Variants in RFX7 observed in about 807,000 individuals in gnomAD.
The protein encoded by RFX7 is DNA-binding protein RFX7.
In RFX7, 26 loss-of-function variants were observed where a neutral mutation model predicts 111.8. That is an observed-to-expected ratio of 0.23 (90% CI 0.17 to 0.32). The LOEUF (loss-of-function observed/expected upper bound fraction) is 0.32, where lower values mean the gene tolerates loss of function less well. Ranked by LOEUF, RFX7 falls within the 10% of genes least tolerant of loss-of-function variation. The pLI, the probability that RFX7 is intolerant of heterozygous loss-of-function variation, is 1.00. For missense variants in RFX7, 1,573 were observed against 1,772.9 expected (o/e 0.89, Z 2.02); for synonymous variants, 624 against 624.4 (o/e 1.00, Z 0.01).
chr15:56,181,208 C>T (rs1170044562), intron 2 of RFX7, among the ~76,000 whole-genome samples: 1 of 152,222 alleles, frequency 6.6e-6, no homozygotes, highest in African/African-American at 2.4e-5. Flanking sequence ...AGGCAGCCTC[C>T]GTGATAGCTC....
intron 2 of RFX7, among the ~76,000 whole-genome samples, chr15:56,227,455 T>C (rs1271232898): frequency 1.3e-5 from 2 of 152,246 alleles, no homozygotes; most frequent in African/African-American, 4.8e-5. Flanking sequence ...TCTTCCATTC[T>C]GAATTTGAGC....
intron 2 of RFX7, among the ~76,000 whole-genome samples, chr15:56,195,991 A>G (rs1322468442): frequency 6.6e-6 from 1 of 152,134 alleles, no homozygotes; most frequent in Non-Finnish European, 1.5e-5. Context: ...CTAAACATAA[A>G]ATCTAATTTC....
At chr15:56,176,791 C>G (rs1245829874) in intron 3 of RFX7, among the ~76,000 whole-genome samples, 2 of 152,018 alleles carry the variant, frequency 1.3e-5, no homozygotes, top group African/African-American at 4.8e-5. Context: ...TGCCTTAAAT[C>G]CATCTACTTA....
intron 7 of RFX7, 35 bp downstream of exon 7, chr15:56,102,134 T>C: frequency 6.8e-7 from 1 of 1,465,868 alleles, no homozygotes; most frequent in Non-Finnish European, 9.5e-7. Context: ...AAAGGTACAA[T>C]TTTACTTATT....
chr15:56,180,567 G>T (rs1256066438), intron 2 of RFX7, among the ~76,000 whole-genome samples: 1 of 151,992 alleles, frequency 6.6e-6, no homozygotes, highest in Admixed American at 6.6e-5. Context: ...CTGCTAAAAA[G>T]GTAATATATC....
chr15:56,097,180 C>T (rs1422947174), intron 9 of RFX7, among the ~76,000 whole-genome samples: 1 of 152,142 alleles, frequency 6.6e-6, no homozygotes, highest in African/African-American at 2.4e-5. Context: ...CAAAATACTT[C>T]CTAAATATTA....
intron 5 of RFX7, among the ~76,000 whole-genome samples, chr15:56,124,617 G>A (rs1034603303): frequency 1.3e-4 from 20 of 152,202 alleles, no homozygotes; most frequent in African/African-American, 4.8e-4. Flanking sequence ...TAGTGATGTT[G>A]AGCATTTTTC....
At position 56,132,477 on chromosome 15, in the gene RFX7, G is replaced by A. The variant is rs187766778; in HGVS notation, c.401+10301C>T. 3.4e-3 allele frequency among the ~76,000 whole-genome samples: 522 copies of A among 151,722 alleles called. 9 individuals are homozygous for A. The highest frequency in any genetic ancestry group is 6.8e-3 in the Middle Eastern group (2 of 294). On this transcript the variant is annotated intron_variant, in intron 5 of 9. Coordinates refer to ENST00000559447, the MANE Select transcript of RFX7 (RefSeq NM_022841.7). ...AAAAATTATTCAATAAAAAAGCTGG[G>A]ATAATTAACCATTTAGAAAAAATTA...
At chr15:56,211,226 C>T (rs1015191825) in intron 2 of RFX7, among the ~76,000 whole-genome samples, 1 of 152,094 alleles carries the variant, frequency 6.6e-6, no homozygotes, top group African/African-American at 2.4e-5. Context: ...CAATCCTCTA[C>T]AGTCCTTTTC....
At chr15:56,116,572 G>A (rs1203338825) in intron 5 of RFX7, among the ~76,000 whole-genome samples, 1 of 152,064 alleles carries the variant, frequency 6.6e-6, no homozygotes, top group Non-Finnish European at 1.5e-5. Flanking sequence ...TACCATTCAT[G>A]AATGTATAGA....
intron 5 of RFX7, among the ~76,000 whole-genome samples, chr15:56,118,364 G>C (rs1339857813): frequency 1.3e-5 from 2 of 151,792 alleles, no homozygotes. Flanking sequence ...CCAAGCCTCT[G>C]GTAACCATCA....
intron 2 of RFX7, among the ~76,000 whole-genome samples, chr15:56,188,186 T>C (rs2043062006): frequency 6.6e-6 from 1 of 152,176 alleles, no homozygotes; most frequent in South Asian, 2.1e-4. Context: ...GAAAAATTCA[T>C]TGGATGACCT....
rs368453163 is a variant in RFX7 at position 56,093,363 on chromosome 15, A to T, written c.4365T>A (p.Thr1455=). The part of the protein sequence containing the change: ...FEWIESKDHP[T]VEMLG ...ACACAATTTAACCCAACATTTCAAC[A>T]GTAGGATGGTCCTTGCTTTCTATCC... Residue 1455 remains threonine, a synonymous_variant, in exon 10 of 10, where the codon ACT becomes ACA. Coordinates refer to ENST00000559447, the MANE Select transcript of RFX7 (RefSeq NM_022841.7). The T allele has an allele frequency of 1.2e-5, 19 of 1,610,252 alleles. No homozygotes were observed. The highest frequency in any genetic ancestry group is 1.6e-5 in the Non-Finnish European group (19 of 1,178,038).
intron 2 of RFX7, among the ~76,000 whole-genome samples, chr15:56,238,888 C>T (rs1485729287): frequency 6.6e-6 from 1 of 152,120 alleles, no homozygotes; most frequent in Non-Finnish European, 1.5e-5. Context: ...AGCTGGAGTG[C>T]AGTGGCATGA....
rs186052084 is a variant in RFX7, at chr15:56,100,037, G to A, written c.811+1322C>T. Among the ~76,000 whole-genome samples the A allele has an allele frequency of 4.6e-5, 7 of 152,298 alleles. No individual in the cohort carries two copies. In the East Asian group the frequency reaches 1.3e-3, roughly 29 times the overall value. ...GCAGGGGCAGGAGAAAGACAGCAGA[G>A]CAAACTGAAGGGTTCATTCCTTTTA... is the stretch of plus-strand genomic sequence containing the variant. On this transcript the variant is annotated intron_variant, in intron 8 of 9. Transcript: ENST00000559447.
chr15:56,151,491 T>C (rs1250893727), intron 3 of RFX7, among the ~76,000 whole-genome samples: 1 of 152,114 alleles, frequency 6.6e-6, no homozygotes, highest in Non-Finnish European at 1.5e-5. Context: ...ATAAAATCCT[T>C]TACAGACAAG....
In RFX7 at chr15:56,099,178, T is replaced by C. The variant is rs575522639; in HGVS notation, c.812-802A>G. ...ATTGAGATCATTAGAAAGTAAGTTG[T>C]GGGCAGTAAAAACAATGAAGAGAAG... On this transcript the variant is annotated intron_variant, in intron 8 of 9. Coordinates refer to ENST00000559447, the MANE Select transcript of RFX7 (RefSeq NM_022841.7). 2.6e-5 allele frequency among the ~76,000 whole-genome samples: 4 copies of C among 152,310 alleles called. No individual in the cohort carries two copies. The East Asian group carries it at 5.8e-4, about 22-fold the overall frequency.
chr15:56,171,674 A>C (rs568562482), intron 3 of RFX7, among the ~76,000 whole-genome samples: 1 of 152,282 alleles, frequency 6.6e-6, no homozygotes, highest in African/African-American at 2.4e-5. Flanking sequence ...AAAATAATCA[A>C]TTTGTGTTAT....
rs1595931565 is a variant in RFX7, at chr15:56,110,152, C to A, written c.402-6482G>T. 8.2e-5 allele frequency among the ~76,000 whole-genome samples: 11 copies of A among 134,330 alleles called. 1 individual carries two copies. In the South Asian group the frequency reaches 2.6e-3, roughly 32 times the overall value. The allele number at this position is 134,330 out of a possible 152,430, so 88.1% of individuals were successfully genotyped here. A position where few individuals can be genotyped will look rare whatever the true frequency, so the allele number is the denominator to read the frequency against. ...CCGGGAGGGAGGTGGGGGGGTCAGC[C>A]CCCCGCCTGGCCAGCCGCCCCGTCC... On this transcript the variant is annotated intron_variant, in intron 5 of 9. Transcript: ENST00000559447.
Sources: allele counts gnomAD v4.1 joint callset (sites outside exome capture counted in the v4.1 genomes callset), GRCh38; gene constraint gnomAD v4.1.1; transcripts MANE v1.5; gene names NCBI Gene and HGNC (gene_info 2026-07-23, HGNC 2026-07-21).